Variants in TENM3 observed in about 807,000 individuals in gnomAD.
TENM3 encodes teneurin transmembrane protein 3.
Under a neutral mutation model 255.1 loss-of-function variants are expected in TENM3, and 63 were observed. The ratio of observed to expected loss-of-function variants is 0.25; its 90% confidence interval spans 0.20 to 0.30. The LOEUF is 0.30. Ranked by LOEUF, TENM3 falls within the 10% of genes least tolerant of loss-of-function variation. The probability of loss-of-function intolerance (pLI) is 1.00; values close to 1 mark genes in which losing one functional copy is unlikely to be tolerated. For synonymous variants in TENM3, 1,306 were observed against 1,322.3 expected, an observed-to-expected ratio of 0.99 and a Z score of 0.27; for missense variants, 2,929 against 3,461.1, an observed-to-expected ratio of 0.85 and a Z score of 3.86.
intron 3 of TENM3, among the ~76,000 whole-genome samples, chr4:182,567,312 A>G (rs901733657): frequency 6.6e-6 from 1 of 152,090 alleles, no homozygotes; most frequent in South Asian, 2.1e-4. Context: ...ATTTCTGCAG[A>G]GGCTTCCTGT....
chr4:182,618,724 G>A (rs1354255541), intron 4 of TENM3, among the ~76,000 whole-genome samples: 1 of 152,004 alleles, frequency 6.6e-6, no homozygotes, highest in Non-Finnish European at 1.5e-5. Context: ...TCGGTATACT[G>A]TGCGGGTCCA....
the TENM3 span, among the ~76,000 whole-genome samples, chr4:181,605,560 A>AAGGGAGAGAGAG: frequency 3.7e-4 from 10 of 26,804 alleles, 2 homozygotes; most frequent in African/African-American, 9.4e-4. Flanking sequence ...GAAAGAAAGA[A>AAGGGAGAGAGAG]AGAAAGAAAG....
chr4:182,135,875 C>T, the TENM3 span, among the ~76,000 whole-genome samples: 1 of 152,194 alleles, frequency 6.6e-6, no homozygotes, highest in Non-Finnish European at 1.5e-5. Flanking sequence ...AGACTGAACC[C>T]TAAATGATCT....
the TENM3 span, among the ~76,000 whole-genome samples, chr4:181,885,478 G>A: frequency 6.6e-6 from 1 of 152,120 alleles, no homozygotes; most frequent in Non-Finnish European, 1.5e-5. Flanking sequence ...GGCCAGGATG[G>A]TTTTAATCTC....
chr4:181,688,482 A>C, the TENM3 span, among the ~76,000 whole-genome samples: 1 of 146,558 alleles, frequency 6.8e-6, no homozygotes, highest in Non-Finnish European at 1.5e-5. Flanking sequence ...CATGTGCTCT[A>C]GTCTGTGGTT....
chr4:182,348,444 G>C (rs1420493700), intron 3 of TENM3, among the ~76,000 whole-genome samples: 1 of 151,936 alleles, frequency 6.6e-6, no homozygotes, highest in Non-Finnish European at 1.5e-5. Context: ...AGCAATGGCA[G>C]GTACCATGGT....
the TENM3 span, among the ~76,000 whole-genome samples, chr4:181,991,344 G>A: frequency 6.6e-6 from 1 of 152,142 alleles, no homozygotes; most frequent in Non-Finnish European, 1.5e-5. Flanking sequence ...GGTTCAATAT[G>A]GATTCGCACT....
chr4:182,458,836 G>C (rs1463764522), intron 3 of TENM3, among the ~76,000 whole-genome samples: 1 of 152,156 alleles, frequency 6.6e-6, no homozygotes, highest in South Asian at 2.1e-4. Context: ...GAAAAAAGGA[G>C]TGTGCTTACT....
the TENM3 span, among the ~76,000 whole-genome samples, chr4:181,960,622 C>T: frequency 1.3e-5 from 2 of 152,150 alleles, no homozygotes; most frequent in Non-Finnish European, 2.9e-5. Context: ...TGGGGATATG[C>T]TAGCCTTTAA....
chr4:182,387,629 T>C (rs968578645), intron 3 of TENM3, among the ~76,000 whole-genome samples: 1 of 152,024 alleles, frequency 6.6e-6, no homozygotes, highest in Non-Finnish European at 1.5e-5. Context: ...GCAGTTTCAC[T>C]CCTGAGCCCA....
the TENM3 span, among the ~76,000 whole-genome samples, chr4:181,936,473 G>T: frequency 6.6e-6 from 1 of 152,016 alleles, no homozygotes. Context: ...TGTAGAAATT[G>T]TGAGTCATCT....
At chr4:182,576,739 A>T (rs1442037551) in intron 3 of TENM3, among the ~76,000 whole-genome samples, 1 of 152,080 alleles carries the variant, frequency 6.6e-6, no homozygotes, top group African/African-American at 2.4e-5. Context: ...AATCTCTACT[A>T]ACTCTCATCA....
At chr4:181,481,123 T>TAA in the TENM3 span, among the ~76,000 whole-genome samples, 1 of 94,058 alleles carries the variant, frequency 1.1e-5, no homozygotes, top group African/African-American at 3.0e-5. Context: ...TAGAGTTTTA[T>TAA]AAGAAAAAAA....
chr4:182,629,700 G>A (rs1201232106), intron 5 of TENM3, among the ~76,000 whole-genome samples: 2 of 152,052 alleles, frequency 1.3e-5, no homozygotes, highest in East Asian at 1.9e-4. Flanking sequence ...AAGAACAATA[G>A]CCAGTGATGC....
the TENM3 span, among the ~76,000 whole-genome samples, chr4:181,516,705 G>T: frequency 1.3e-5 from 2 of 152,052 alleles, no homozygotes; most frequent in Non-Finnish European, 2.9e-5. Context: ...GAACTCGGGA[G>T]GGGGAGGTTG....
chr4:182,645,950 T>G (rs1450411796), intron 5 of TENM3, among the ~76,000 whole-genome samples: 1 of 152,156 alleles, frequency 6.6e-6, no homozygotes, highest in Non-Finnish European at 1.5e-5. Context: ...TCTGGGGCCA[T>G]CTCAGAGGCT....
At chr4:182,104,097 T>A in the TENM3 span, among the ~76,000 whole-genome samples, 1 of 152,178 alleles carries the variant, frequency 6.6e-6, no homozygotes, top group Non-Finnish European at 1.5e-5. Flanking sequence ...TGGTGTAATA[T>A]ACGGTGGTGT....
intron 1 of TENM3, among the ~76,000 whole-genome samples, chr4:182,269,526 C>CCCTCCCTGTACAGG (rs1759472816): frequency 6.6e-6 from 1 of 151,828 alleles, no homozygotes; most frequent in Middle Eastern, 3.2e-3. Flanking sequence ...AGGAATCAGC[C>CCCTCCCTGTACAGG]CCTCCCTGTA....
At chr4:182,651,423 G>C (rs889571178) in intron 5 of TENM3, among the ~76,000 whole-genome samples, 12 of 152,164 alleles carry the variant, frequency 7.9e-5, no homozygotes, top group Non-Finnish European at 1.6e-4. Context: ...GGGCGCAGTG[G>C]CTCAAGCCTG....
Sources: allele counts gnomAD v4.1 joint callset (sites outside exome capture counted in the v4.1 genomes callset), GRCh38; gene constraint gnomAD v4.1.1; transcripts MANE v1.5; gene names NCBI Gene and HGNC (gene_info 2026-07-23, HGNC 2026-07-21).